The following PCNT variants were observed in gnomAD, a reference collection of about 807,000 sequenced individuals.
The protein encoded by PCNT is kendrin.
PCNT carries 319 observed loss-of-function variants against 380.4 expected under a neutral mutation model. That is an observed-to-expected ratio of 0.84 (90% confidence interval 0.77 to 0.92). The LOEUF is 0.92. Ranked by LOEUF, PCNT falls within the 40% of genes least tolerant of loss-of-function variation. The pLI, the probability that PCNT is intolerant of heterozygous loss-of-function variation, is 0.00. For missense variants in PCNT, 4,400 were observed against 4,255.3 expected (o/e 1.03, Z -0.95); for synonymous variants, 1,845 against 1,735.2 (o/e 1.06, Z -1.57).
At position 46,357,040 on chromosome 21, in the gene PCNT, C is replaced by T; in HGVS notation, c.2003C>T (p.Ala668Val). 1 of 1,614,202 alleles carries T rather than the reference C, an allele frequency of 6.2e-7. No homozygotes were observed. Among genetic ancestry groups the T allele is most frequent in the Non-Finnish European group, 8.5e-7 (1 of 1,180,034 alleles). ...TTGGAGGCCGACACAGAGCGGGCAG[C>T]CAGAGTCTTGGGTCTGGAAACTGAG... is the stretch of plus-strand genomic sequence containing the variant. ...GDLEADTERA[A>V]RVLGLETEHK... Residue 668 changes from alanine to valine, a missense_variant, in exon 13 of 47, where the codon GCC (alanine) becomes GTC (valine). Ala to Val is a moderately conservative substitution (Grantham distance 64). Transcript: ENST00000359568.
At chr21:46,423,130 CTTATT>C (rs1394097016) in intron 32 of PCNT, among the ~76,000 whole-genome samples, 40 of 151,128 alleles carry the variant, frequency 2.6e-4, no homozygotes, top group Non-Finnish European at 1.3e-4. Context: ...AATAAAAAAA[CTTATT>C]TTACTTTCTT....
At position 46,422,104 on chromosome 21, in the gene PCNT, G is replaced by A. The variant is rs75024419; in HGVS notation, c.7159G>A (p.Val2387Met). Residue 2387 changes from valine to methionine, a missense_variant, in exon 32 of 47, where the codon GTG (valine) becomes ATG (methionine). Coordinates refer to ENST00000359568, the MANE Select transcript of PCNT (RefSeq NM_006031.6). ...PLPEAMKEKE[V>M]RPKHVKALLQ... ...GCCGGAAGCCATGAAGGAGAAGGAAGTGCGTCCGAAGCACGTGAAGGTATG... is the reference window on the plus strand; with the variant it reads ...GCCGGAAGCCATGAAGGAGAAGGAAATGCGTCCGAAGCACGTGAAGGTATG... 1.3e-3 allele frequency: 2,130 copies of A among 1,613,868 alleles called. 39 individuals carry two copies. The African/African-American group carries it at 0.026, about 19-fold the overall frequency.
chr21:46,442,608 C>T (rs775751774), intron 44 of PCNT, 35 bp downstream of exon 44: 2 of 1,297,606 alleles, frequency 1.5e-6, no homozygotes, highest in African/African-American at 2.9e-5. Flanking sequence ...GCTGGACTCA[C>T]AAACCTTTCT....
In PCNT at chr21:46,388,912, C is replaced by T; in HGVS notation, c.3607+28C>T. ...GAGTGTGCCGGGACCAGCTGCCCAG[C>T]CCTGTGCTTGCAGCCCCTCTGTGGT... is the stretch of plus-strand genomic sequence containing the variant. On this transcript the variant is annotated intron_variant, in intron 18 of 46. Coordinates refer to ENST00000359568, the MANE Select transcript of PCNT (RefSeq NM_006031.6). The surrounding 1 kb of genome is among the most constrained non-coding windows in gnomAD (Gnocchi z 4.2). The T allele has an allele frequency of 6.4e-7, 1 of 1,572,530 alleles. No individual in the cohort carries two copies. Among genetic ancestry groups the T allele is most frequent in the Non-Finnish European group, 8.6e-7 (1 of 1,165,430 alleles).
chr21:46,353,751 T>TGTGTGTGAGA (rs59894003), intron 10 of PCNT, among the ~76,000 whole-genome samples: 153 of 104,400 alleles, frequency 1.5e-3, no homozygotes, highest in African/African-American at 5.2e-3. Context: ...TGTGTGTGTG[T>TGTGTGTGAGA]GAGAGAGACA....
At chr21:46,351,076 T>G (rs1301049535) in intron 8 of PCNT, among the ~76,000 whole-genome samples, 1 of 152,162 alleles carries the variant, frequency 6.6e-6, no homozygotes, top group Non-Finnish European at 1.5e-5. Flanking sequence ...TAAATTCCAT[T>G]CAGCAGTCTG....
chr21:46,435,925 C>T lies in PCNT; in HGVS notation c.8773C>T (p.Gln2925Ter). 6.2e-7 allele frequency: 1 copy of T among 1,614,200 alleles called. No homozygotes were observed. Among genetic ancestry groups the T allele is most frequent in the Non-Finnish European group, 8.5e-7 (1 of 1,180,022 alleles). The change falls in exon 39 of 47, where the codon CAG (glutamine) becomes TAG (stop). Residue 2925 changes from glutamine (Q) to a stop codon, truncating the protein, a stop_gained. Transcript: ENST00000359568. LOFTEE classifies it high-confidence loss of function. Reference protein sequence around the residue: ...EKLRELELQRQRDLHKIKQLQ... With the variant: ...EKLRELELQR ...ACAGCGAGAATTAGAACTGCAGCGT[C>T]AGCGTGACTTGCATAAGATCAAGCA...
Position 46,363,695 on chromosome 21 carries a change from G to T in PCNT, c.2370G>T (p.Glu790Asp). 6.2e-7 allele frequency: 1 copy of T among 1,614,238 alleles called. No individual in the cohort carries two copies. The highest frequency in any genetic ancestry group is 8.5e-7 in the Non-Finnish European group (1 of 1,180,040). ...AACAGACCATCATAAACAAGTTTGA[G>T]CTTCGAGAAGCTGAAATGAGGCAGC... ...SEKQTIINKFELREAEMRQLQ... is the reference protein window; with the variant it reads ...SEKQTIINKFDLREAEMRQLQ... The change falls in exon 14 of 47, where the codon GAG becomes GAT. Residue 790 changes from glutamate to aspartate, a missense_variant. By Grantham distance (45) the Glu-to-Asp change is conservative. Coordinates refer to ENST00000359568, the MANE Select transcript of PCNT (RefSeq NM_006031.6).
intron 8 of PCNT, 37 bp from the exon 9 acceptor site, chr21:46,351,392 T>C: frequency 9.0e-7 from 1 of 1,113,960 alleles, no homozygotes; most frequent in Middle Eastern, 2.0e-4. Flanking sequence ...GGCCTTGAGC[T>C]CATTAGGGTT....
chr21:46,357,213 C>T, intron 13 of PCNT, 22 bp downstream of exon 13: 1 of 1,513,780 alleles, frequency 6.6e-7, no homozygotes, highest in Non-Finnish European at 9.2e-7. Context: ...CTCCACAGCC[C>T]AGCGCCTCCC....
chr21:46,359,492 T>C lies in PCNT; in HGVS notation c.2154+2301T>C, dbSNP rs1320241007. Among the ~76,000 whole-genome samples, 98 of 49,564 alleles carry C rather than the reference T, an allele frequency of 2.0e-3. 13 individuals carry two copies. Among genetic ancestry groups the C allele is most frequent in the Non-Finnish European group, 2.2e-3 (53 of 24,220 alleles). The allele number at this position is 49,564 out of a possible 152,430, so 32.5% of individuals were successfully genotyped here. ...CAAAAATACACCTGTTTTTTTTTTG[T>C]TTTTTTTTTTTTTTTGAGACAGTGT... On this transcript the variant is annotated intron_variant, in intron 13 of 46. Transcript: ENST00000359568.
intron 27 of PCNT, among the ~76,000 whole-genome samples, chr21:46,410,480 GTTATC>G (rs1325186949): frequency 6.6e-6 from 1 of 152,182 alleles, no homozygotes; most frequent in African/African-American, 2.4e-5. Flanking sequence ...TACCAGGAAT[GTTATC>G]TTAAGAGAAT....
At chr21:46,391,967 C>T (rs2086049903) in intron 21 of PCNT, among the ~76,000 whole-genome samples, 1 of 152,240 alleles carries the variant, frequency 6.6e-6, no homozygotes, top group Non-Finnish European at 1.5e-5. Context: ...CTGCGCTTCT[C>T]TAAAAGTTCC....
chr21:46,427,090 C>T (rs2087541276), intron 33 of PCNT, among the ~76,000 whole-genome samples: 1 of 152,220 alleles, frequency 6.6e-6, no homozygotes, highest in South Asian at 2.1e-4. Flanking sequence ...AGCCTTAGGT[C>T]CCCTCCAGGC....
At chr21:46,336,639 T>G (rs2083744319) in intron 3 of PCNT, among the ~76,000 whole-genome samples, 1 of 151,960 alleles carries the variant, frequency 6.6e-6, no homozygotes, top group Non-Finnish European at 1.5e-5. Flanking sequence ...CTTGGTGCCT[T>G]TTACTAGATT....
Position 46,389,201 on chromosome 21 carries a change from C to G in PCNT, c.3610C>G (p.Pro1204Ala), listed in dbSNP as rs1724754489. The change falls in exon 19 of 47, where the codon CCG (proline) becomes GCG (alanine). Residue 1204 changes from proline to alanine, a missense_variant and splice_region_variant. Transcript: ENST00000359568. ...AGAGLALSTAPALEETWSDVA... is the reference protein window; with the variant it reads ...AGAGLALSTAAALEETWSDVA... ...GCCGGCATCTGCTCATCTTGTAGCT[C>G]CGGCGCTGGAGGAGACATGGTCTGA... 1 of 1,613,948 alleles carries G rather than the reference C, an allele frequency of 6.2e-7. No homozygotes were observed. The highest frequency in any genetic ancestry group is 1.7e-5 in the Admixed American group (1 of 60,028).
intron 15 of PCNT, among the ~76,000 whole-genome samples, chr21:46,381,196 C>G (rs1334368222): frequency 7.4e-5 from 9 of 122,232 alleles, no homozygotes; most frequent in African/African-American, 1.6e-4. Flanking sequence ...AAAAAAATCT[C>G]TGTGTGTGTG....
Position 46,367,034 on chromosome 21 carries a change from G to A in PCNT, c.3060G>A (p.Lys1020=). 1 of 1,614,144 alleles carries A rather than the reference G, an allele frequency of 6.2e-7. No homozygotes were observed. Among genetic ancestry groups the A allele is most frequent in the Non-Finnish European group, 8.5e-7 (1 of 1,180,034 alleles). ...TILTQELEKL[K]RKHEGELQSV... ...TGACTCAAGAGTTGGAGAAACTGAAGCGGAAACACGAAGGGGAGCTACAGT... is the reference window on the plus strand; with the variant it reads ...TGACTCAAGAGTTGGAGAAACTGAAACGGAAACACGAAGGGGAGCTACAGT... The change falls in exon 15 of 47, where the codon AAG becomes AAA. Residue 1020 remains lysine, a synonymous_variant. Transcript: ENST00000359568.
chr21:46,435,880 C>CT, intron 38 of PCNT, 24 bp from the exon 39 acceptor site: 2 of 1,613,878 alleles, frequency 1.2e-6, no homozygotes, highest in Non-Finnish European at 1.7e-6. Flanking sequence ...AACGTCTTCT[C>CT]TGTCTTTTTT....
Sources: gnomAD v4.1 joint callset for allele counts (sites outside exome capture counted in the v4.1 genomes callset) on GRCh38, gnomAD v4.1.1 for gene constraint, Gnocchi (gnomAD v3.1) non-coding constraint, MANE v1.5 for transcripts, NCBI Gene and HGNC (gene_info 2026-07-23, HGNC 2026-07-21) for gene names.